The following RANBP2 variants were observed in gnomAD, a reference collection of about 807,000 sequenced individuals.
RANBP2 encodes RAN binding protein 2, also known as E3 SUMO-protein ligase RanBP2.
Under a neutral mutation model 303.6 loss-of-function variants are expected in RANBP2, and 57 were observed. The observed-to-expected ratio is 0.19, with a 90% CI of 0.15 to 0.23. The LOEUF (loss-of-function observed/expected upper bound fraction) is 0.23. Ranked by LOEUF, RANBP2 falls within the 10% of genes least tolerant of loss-of-function variation. The pLI, the probability that RANBP2 is intolerant of heterozygous loss-of-function variation, is 1.00. For missense variants in RANBP2, 3,138 were observed against 3,780.8 expected (o/e 0.83, Z 4.46); for synonymous variants, 1,167 against 1,301.5 (o/e 0.90, Z 2.23).
the RANBP2 span, among the ~76,000 whole-genome samples, chr2:109,170,602 G>A: frequency 6.6e-6 from 1 of 152,004 alleles, no homozygotes; most frequent in African/African-American, 2.4e-5. Context: ...CACCCGCCTC[G>A]GCCACCCAAA....
At chr2:109,231,690 T>G in the RANBP2 span, among the ~76,000 whole-genome samples, 1 of 152,206 alleles carries the variant, frequency 6.6e-6, no homozygotes, top group Non-Finnish European at 1.5e-5. Context: ...ATAATTAGTA[T>G]TTTTAGTCTG....
the RANBP2 span, among the ~76,000 whole-genome samples, chr2:109,029,897 CT>C: frequency 2.0e-5 from 3 of 152,192 alleles, no homozygotes; most frequent in Admixed American, 6.5e-5. Flanking sequence ...ACAGATAAGG[CT>C]GTTTATTTTA....
At chr2:108,782,016 A>C (rs990725372) in intron 26 of RANBP2, 112 bp from the exon 27 acceptor site, 2 of 1,258,316 alleles carry the variant, frequency 1.6e-6, no homozygotes. Flanking sequence ...CACATTAACA[A>C]ATTCTCTTTG....
At chr2:108,921,756 C>A in the RANBP2 span, among the ~76,000 whole-genome samples, 1 of 152,200 alleles carries the variant, frequency 6.6e-6, no homozygotes, top group Non-Finnish European at 1.5e-5. Flanking sequence ...AGGCCCTAAC[C>A]CAGAGGGCTC....
chr2:108,811,245 C>CTTTTTTTTTTTTTTTTTTTTT, the RANBP2 span, among the ~76,000 whole-genome samples: 18 of 109,626 alleles, frequency 1.6e-4, 5 homozygotes, highest in African/African-American at 2.5e-4. Context: ...CTTTCTCTCT[C>CTTTTTTTTTTTTTTTTTTTTT]TCTTTTTTTT....
the RANBP2 span, among the ~76,000 whole-genome samples, chr2:109,511,906 C>T: frequency 4.5e-4 from 68 of 152,286 alleles, no homozygotes; most frequent in African/African-American, 1.6e-3. Flanking sequence ...TGCCTCCTGG[C>T]ACCCAGTGTG....
chr2:108,907,769 C>T, the RANBP2 span: 1 of 1,474,278 alleles, frequency 6.8e-7, no homozygotes, highest in Non-Finnish European at 9.5e-7. Context: ...CCCCGTCTTG[C>T]AGGAGAGCTG....
At chr2:108,775,966 T>G in intron 24 of RANBP2, 30 bp downstream of exon 24, 1 of 1,560,996 alleles carries the variant, frequency 6.4e-7, no homozygotes, top group Non-Finnish European at 8.7e-7. Context: ...TATCATGTGT[T>G]ACATAAGGGA....
At chr2:109,456,892 G>T in the RANBP2 span, among the ~76,000 whole-genome samples, 157 of 152,230 alleles carry the variant, frequency 1.0e-3, 1 homozygote, top group Non-Finnish European at 1.0e-4. Context: ...GGCTCATGCC[G>T]CTGAGCCTTC....
At chr2:109,474,777 C>T in the RANBP2 span, among the ~76,000 whole-genome samples, 21 of 152,200 alleles carry the variant, frequency 1.4e-4, no homozygotes, top group African/African-American at 4.8e-4. Context: ...CCCTGCACAC[C>T]CTGGGACAGG....
chr2:109,762,720 T>C, the RANBP2 span, among the ~76,000 whole-genome samples: 1 of 96,692 alleles, frequency 1.0e-5, no homozygotes, highest in Middle Eastern at 4.1e-3. Flanking sequence ...AAAAAGTTGA[T>C]GTACGTGCAA....
At chr2:109,531,285 C>T in the RANBP2 span, among the ~76,000 whole-genome samples, 31 of 152,332 alleles carry the variant, frequency 2.0e-4, no homozygotes, top group African/African-American at 4.6e-4. Flanking sequence ...CTCTACAGAC[C>T]GGCTCTGCAT....
chr2:109,006,286 T>G, the RANBP2 span, among the ~76,000 whole-genome samples: 133 of 152,146 alleles, frequency 8.7e-4, no homozygotes, highest in East Asian at 0.014. Context: ...CTCCGCCTCC[T>G]GGATTCAAGC....
chr2:109,153,277 G>A, the RANBP2 span, among the ~76,000 whole-genome samples: 5 of 152,178 alleles, frequency 3.3e-5, no homozygotes, highest in Non-Finnish European at 5.9e-5. Context: ...GAATGTAGGT[G>A]TTTAAGCTGT....
chr2:109,552,152 T>G, the RANBP2 span, among the ~76,000 whole-genome samples: 5 of 152,150 alleles, frequency 3.3e-5, no homozygotes, highest in African/African-American at 1.2e-4. Flanking sequence ...GAGAATCTAA[T>G]GCCTGATGAT....
At chr2:108,793,715 G>A in the RANBP2 span, among the ~76,000 whole-genome samples, 9 of 151,662 alleles carry the variant, frequency 5.9e-5, no homozygotes, top group Non-Finnish European at 1.3e-4. Context: ...TCCTGCCTCA[G>A]CCTCCCGAGT....
chr2:109,026,851 G>A, the RANBP2 span, among the ~76,000 whole-genome samples: 1 of 152,254 alleles, frequency 6.6e-6, no homozygotes, highest in Admixed American at 6.5e-5. Flanking sequence ...GGATCACGAG[G>A]TCACCATTCT....
At chr2:109,224,750 G>T in the RANBP2 span, among the ~76,000 whole-genome samples, 2 of 152,134 alleles carry the variant, frequency 1.3e-5, no homozygotes, top group East Asian at 3.9e-4. Context: ...CCAGCTACTT[G>T]GGAGGCTGAG....
chr2:109,729,418 G>A, the RANBP2 span, among the ~76,000 whole-genome samples: 9 of 152,086 alleles, frequency 5.9e-5, no homozygotes, highest in African/African-American at 1.4e-4. Context: ...AGGCTGAGGC[G>A]GGCAGATAAC....
Sources: gnomAD v4.1 joint callset for allele counts (sites outside exome capture counted in the v4.1 genomes callset) on GRCh38, gnomAD v4.1.1 for gene constraint, MANE v1.5 for transcripts, NCBI Gene and HGNC (gene_info 2026-07-23, HGNC 2026-07-21) for gene names.